Variants in LMTK2 observed in about 807,000 individuals in gnomAD.
The protein encoded by LMTK2 is serine/threonine-protein kinase LMTK2.
In LMTK2, 37 loss-of-function variants were observed where a neutral mutation model predicts 127.5. That is an observed-to-expected ratio of 0.29 (90% CI 0.22 to 0.38). The LOEUF is 0.38. LMTK2 is among the 10% of genes least tolerant of loss of function. The pLI, the probability that LMTK2 is intolerant of heterozygous loss-of-function variation, is 1.00. For synonymous variants in LMTK2, 819 were observed against 810.1 expected (o/e 1.01, Z -0.19); for missense variants, 1,694 against 1,920.3 (o/e 0.88, Z 2.20).
intron 3 of LMTK2, among the ~76,000 whole-genome samples, chr7:98,148,508 T>A (rs7780958): frequency 0.19 from 26,379 of 139,716 alleles, 2,585 homozygotes; most frequent in South Asian, 0.24. Flanking sequence ...AAAAAAAAAA[T>A]AATAATAATA....
intron 11 of LMTK2, among the ~76,000 whole-genome samples, chr7:98,196,326 G>A (rs1031333287): frequency 2.6e-5 from 4 of 152,176 alleles, no homozygotes; most frequent in East Asian, 1.9e-4. Flanking sequence ...GAGCCTCTGA[G>A]CTCAGGGAGC....
rs1267488411 is a variant in LMTK2 at position 98,190,861 on chromosome 7, C to T, written c.1132C>T (p.Pro378Ser). Reference sequence around the variant, plus strand: ...ACTCCCGAAGCCCCAGCTGGAGCAGCCCTACTCTGATAGATGGTTGGTAGC... The same window carrying T: ...ACTCCCGAAGCCCCAGCTGGAGCAGTCCTACTCTGATAGATGGTTGGTAGC... ...TKLPKPQLEQ[P>S]YSDRWYEVLQ... Residue 378 changes from proline (P) to serine (S), a missense_variant, in exon 10 of 14, where the codon CCC becomes TCC. Around this residue, in one of 8 missense-constraint regions of LMTK2, gnomAD observed 216 missense variants for 266.8 expected, o/e 0.81. Coordinates refer to ENST00000297293, the MANE Select transcript of LMTK2 (RefSeq NM_014916.4). 6.2e-7 allele frequency: 1 copy of T among 1,614,038 alleles called. No homozygotes were observed. Among genetic ancestry groups the T allele is most frequent in the African/African-American group, 1.3e-5 (1 of 74,926 alleles).
rs141596123 is a variant in LMTK2, at chr7:98,170,941, G to A, written c.658-600G>A. 3.9e-3 allele frequency among the ~76,000 whole-genome samples: 586 copies of A among 152,182 alleles called. 3 individuals carry two copies. The highest frequency in any genetic ancestry group is 4.6e-3 in the Non-Finnish European group (310 of 68,014). ...CCCTTTGAAGAGTAGGCTTGTTAACGTGGTGAGTTTTTCTGGAGTGGCTGA... is the reference window on the plus strand; with the variant it reads ...CCCTTTGAAGAGTAGGCTTGTTAACATGGTGAGTTTTTCTGGAGTGGCTGA... On this transcript the variant is annotated intron_variant, in intron 6 of 13. Coordinates refer to ENST00000297293, the MANE Select transcript of LMTK2 (RefSeq NM_014916.4).
At chr7:98,119,015 C>G (rs574937873) in intron 1 of LMTK2, among the ~76,000 whole-genome samples, 260 of 151,760 alleles carry the variant, frequency 1.7e-3, no homozygotes, top group Non-Finnish European at 3.0e-3. Context: ...TCGCTTGAAC[C>G]TGGGAGGCGG....
Position 98,137,281 on chromosome 7 carries a change from A to G in LMTK2, c.104-34A>G, listed in dbSNP as rs142929527. 812 of 1,587,860 alleles carry G rather than the reference A, an allele frequency of 5.1e-4. 7 individuals carry two copies. In the African/African-American group the frequency reaches 9.7e-3, roughly 19 times the overall value. On this transcript the variant is annotated intron_variant, in intron 1 of 13. Transcript: ENST00000297293. ...CTAATTAAAGTTGATTTTGGAATGT[A>G]CATGTTTTTAATATTATTTATCTCT...
intron 3 of LMTK2, among the ~76,000 whole-genome samples, chr7:98,144,455 A>T (rs971531595): frequency 2.6e-5 from 4 of 151,320 alleles, no homozygotes; most frequent in Admixed American, 2.0e-4. Context: ...AGAAAGAAAA[A>T]ATATATATAT....
chr7:98,205,169 G>T (rs969549584), intron 13 of LMTK2, among the ~76,000 whole-genome samples: 2 of 152,238 alleles, frequency 1.3e-5, no homozygotes, highest in African/African-American at 4.8e-5. Context: ...CTTCATTTGT[G>T]CCGATTAGAT....
intron 3 of LMTK2, among the ~76,000 whole-genome samples, chr7:98,148,263 G>C (rs1384032666): frequency 6.6e-6 from 1 of 151,664 alleles, no homozygotes; most frequent in Non-Finnish European, 1.5e-5. Flanking sequence ...GCTGAGGTGG[G>C]TGGATCACCT....
chr7:98,143,426 A>G (rs1326688363), intron 3 of LMTK2, among the ~76,000 whole-genome samples: 3 of 152,246 alleles, frequency 2.0e-5, no homozygotes, highest in South Asian at 2.1e-4. Context: ...AACTACAAAC[A>G]GTATTAAAAA....
intron 3 of LMTK2, among the ~76,000 whole-genome samples, chr7:98,148,882 G>C (rs755499939): frequency 6.6e-6 from 1 of 152,228 alleles, no homozygotes; most frequent in East Asian, 1.9e-4. Flanking sequence ...TTCTGAGTAC[G>C]CATCCTGCCC....
In LMTK2 at chr7:98,192,561, TCTGC is replaced by T; in HGVS notation, c.2099_2102del (p.Cys700TyrfsTer14). 1.9e-6 allele frequency: 3 copies of T among 1,613,290 alleles called. No individual in the cohort carries two copies. Among genetic ancestry groups the T allele is most frequent in the Non-Finnish European group, 2.5e-6 (3 of 1,179,818 alleles). On this transcript the variant is annotated frameshift_variant, in exon 11 of 14. Coordinates refer to ENST00000297293, the MANE Select transcript of LMTK2 (RefSeq NM_014916.4). LOFTEE classifies it high-confidence loss of function. ...CGTAAGATTTTTGACAGTGAGCCTC[TCTGC>T]CTATCAGATAATCTTATGCACCAAG...
At position 98,151,368 on chromosome 7, in the gene LMTK2, T is replaced by G. The variant is rs745922592; in HGVS notation, c.377-14T>G. 6.3e-7 allele frequency: 1 copy of G among 1,585,090 alleles called. No homozygotes were observed. Among genetic ancestry groups the G allele is most frequent in the African/African-American group, 1.3e-5 (1 of 74,144 alleles). On this transcript the variant is annotated splice_polypyrimidine_tract_variant and intron_variant, in intron 3 of 13. Transcript: ENST00000297293. The stretch of plus-strand genomic sequence containing the variant: ...GATACTTATATTTCATTTTTAATGT[T>G]TTTTTCTCTACAGAGGGATTGAAGT...
intron 2 of LMTK2, among the ~76,000 whole-genome samples, chr7:98,139,189 A>C (rs1796641401): frequency 6.6e-6 from 1 of 152,088 alleles, no homozygotes; most frequent in Non-Finnish European, 1.5e-5. Context: ...ACACTTCACT[A>C]CAGCCTCAAC....
chr7:98,157,589 G>A (rs1176076613), intron 5 of LMTK2, among the ~76,000 whole-genome samples: 1 of 150,848 alleles, frequency 6.6e-6, no homozygotes, highest in African/African-American at 2.4e-5. Flanking sequence ...CCGTCAGTAG[G>A]TGAGTGGTTC....
chr7:98,203,827 ATCTGC>A, intron 12 of LMTK2, 112 bp from the exon 13 acceptor site: 2 of 1,573,622 alleles, frequency 1.3e-6, no homozygotes, highest in East Asian at 4.5e-5. Context: ...CAGAACTGCC[ATCTGC>A]CAGCCGGGCC....
rs1223191049 is a variant in LMTK2, at chr7:98,107,151, C to T, written c.-27C>T. The stretch of plus-strand genomic sequence containing the variant: ...GACGGACGGAAGGCGACTCGAGGGC[C>T]GGCCCCGGAGCCGCGCCGTGGGCGA... On this transcript the variant is annotated 5_prime_UTR_variant, in exon 1 of 14. Coordinates refer to ENST00000297293, the MANE Select transcript of LMTK2 (RefSeq NM_014916.4). 2.8e-6 allele frequency: 4 copies of T among 1,409,446 alleles called. No homozygotes were observed. The highest frequency in any genetic ancestry group is 6.0e-5 in the East Asian group (2 of 33,128). The allele number at this position is 1,409,446 out of a possible 1,614,324, so 87.3% of individuals were successfully genotyped here. A position where few individuals can be genotyped will look rare whatever the true frequency, so the allele number is the denominator to read the frequency against.
intron 3 of LMTK2, among the ~76,000 whole-genome samples, chr7:98,147,669 C>T (rs1222711084): frequency 6.6e-6 from 1 of 152,142 alleles, no homozygotes; most frequent in Non-Finnish European, 1.5e-5. Flanking sequence ...GGCTCTGTTC[C>T]TTTTTCTTCA....
intron 1 of LMTK2, among the ~76,000 whole-genome samples, chr7:98,134,279 T>C (rs1796567703): frequency 6.6e-6 from 1 of 152,224 alleles, no homozygotes; most frequent in African/African-American, 2.4e-5. Flanking sequence ...ACCCTTAGTT[T>C]TGTACCATTA....
intron 13 of LMTK2, among the ~76,000 whole-genome samples, chr7:98,205,182 C>A (rs1797770580): frequency 6.6e-6 from 1 of 152,204 alleles, no homozygotes; most frequent in Non-Finnish European, 1.5e-5. Flanking sequence ...GATTAGATAA[C>A]ACCTGCTATC....
Sources: allele counts gnomAD v4.1 joint callset (sites outside exome capture counted in the v4.1 genomes callset), GRCh38; gene constraint gnomAD v4.1.1; regional missense constraint gnomAD v4.1.1; transcripts MANE v1.5; gene names NCBI Gene and HGNC (gene_info 2026-07-23, HGNC 2026-07-21).